Variants in OR2L13 observed in about 807,000 individuals in gnomAD.
The protein encoded by OR2L13 is olfactory receptor 2L13.
A neutral mutation model predicts 15.3 loss-of-function variants in OR2L13; 14 were observed. That is an observed-to-expected ratio of 0.91 (90% CI 0.60 to 1.43). OR2L13 has a LOEUF of 1.43. Ranked by LOEUF, OR2L13 falls within the 40% of genes most tolerant of loss-of-function variation. OR2L13 has a pLI of 0.00. For synonymous variants in OR2L13, 152 were observed against 142.9 expected (o/e 1.06, Z -0.45); for missense variants, 367 against 387.9 (o/e 0.95, Z 0.45).
At chr1:247,980,846 C>G in the OR2L13 span, 1 of 152,066 alleles carries the variant, frequency 6.6e-6, no homozygotes, top group Non-Finnish European at 1.5e-5. Flanking sequence ...AGAGATCTTG[C>G]TCAGAAAAAT....
the OR2L13 span, chr1:248,004,016 G>A: frequency 1.2e-6 from 2 of 1,613,762 alleles, no homozygotes; most frequent in Non-Finnish European, 1.7e-6. Context: ...GAACAAGGAG[G>A]TGATGGGGGC....
chr1:248,055,632 C>T, the OR2L13 span, among the ~76,000 whole-genome samples: 1 of 152,180 alleles, frequency 6.6e-6, no homozygotes, highest in Admixed American at 6.5e-5. Context: ...TGTTGTGTGC[C>T]TGTTGTTCCA....
the OR2L13 span, among the ~76,000 whole-genome samples, chr1:248,013,926 C>T: frequency 1.3e-5 from 2 of 151,840 alleles, no homozygotes; most frequent in East Asian, 3.9e-4. Flanking sequence ...GTGTTTTTGC[C>T]GCTAATTCAT....
chr1:247,992,987 C>T, the OR2L13 span, among the ~76,000 whole-genome samples: 1 of 152,112 alleles, frequency 6.6e-6, no homozygotes, highest in African/African-American at 2.4e-5. Flanking sequence ...ACATTCCCAC[C>T]AACAGTGTAT....
the OR2L13 span, chr1:248,060,933 T>G: frequency 6.2e-7 from 1 of 1,614,002 alleles, no homozygotes; most frequent in Non-Finnish European, 8.5e-7. Flanking sequence ...CATCTGATTT[T>G]CTGTCTGGTA....
chr1:247,970,558 C>T, the OR2L13 span, among the ~76,000 whole-genome samples: 2 of 152,052 alleles, frequency 1.3e-5, no homozygotes, highest in African/African-American at 4.8e-5. Flanking sequence ...TTCAATAGTA[C>T]CAAGGGACAA....
the OR2L13 span, among the ~76,000 whole-genome samples, chr1:248,067,699 T>G: frequency 6.6e-6 from 1 of 152,222 alleles, no homozygotes; most frequent in Non-Finnish European, 1.5e-5. Context: ...AGGCATTGCC[T>G]CACTCAGGAA....
At chr1:247,966,329 C>T in the OR2L13 span, 42 of 1,610,970 alleles carry the variant, frequency 2.6e-5, no homozygotes, top group African/African-American at 5.5e-4. Context: ...GACTTCAGAT[C>T]TCTGTATTGA....
chr1:247,980,048 A>G, the OR2L13 span, among the ~76,000 whole-genome samples: 2 of 152,180 alleles, frequency 1.3e-5, no homozygotes, highest in Non-Finnish European at 2.9e-5. Flanking sequence ...AAAATTCCAA[A>G]TATATAAAAT....
the OR2L13 span, among the ~76,000 whole-genome samples, chr1:248,052,783 A>G: frequency 3.0e-4 from 45 of 152,046 alleles, no homozygotes; most frequent in African/African-American, 1.0e-3. Context: ...TTCTTTTTCC[A>G]AAAAAGTCAA....
chr1:248,068,682 C>A, the OR2L13 span, among the ~76,000 whole-genome samples: 61 of 152,160 alleles, frequency 4.0e-4, 1 homozygote, highest in African/African-American at 1.5e-3. Context: ...CTCCGAGCTA[C>A]AGGAGGAAAT....
At chr1:248,043,242 G>A in the OR2L13 span, among the ~76,000 whole-genome samples, 1 of 152,168 alleles carries the variant, frequency 6.6e-6, no homozygotes, top group Non-Finnish European at 1.5e-5. Context: ...ATAGCTGAAA[G>A]TCAGGTAGAG....
At chr1:247,965,162 G>T in the OR2L13 span, 3 of 508,428 alleles carry the variant, frequency 5.9e-6, no homozygotes, top group South Asian at 6.9e-5. Flanking sequence ...CTTCCAAAAA[G>T]TTATAAAAAT....
At chr1:247,981,387 A>T in the OR2L13 span, among the ~76,000 whole-genome samples, 1 of 152,222 alleles carries the variant, frequency 6.6e-6, no homozygotes, top group Non-Finnish European at 1.5e-5. Context: ...TTTAAAATAA[A>T]GGACCCTCTT....
chr1:248,075,754 C>T, the OR2L13 span, among the ~76,000 whole-genome samples: 1 of 152,082 alleles, frequency 6.6e-6, no homozygotes, highest in Non-Finnish European at 1.5e-5. Context: ...TGGATATTAG[C>T]CCTTTGTCAG....
the OR2L13 span, among the ~76,000 whole-genome samples, chr1:247,989,522 GT>G: frequency 6.6e-6 from 1 of 151,976 alleles, no homozygotes; most frequent in African/African-American, 2.4e-5. Flanking sequence ...TAAGAGAAAT[GT>G]TTTTTCCTAT....
At chr1:247,937,346 T>C in the OR2L13 span, 1 of 154,800 alleles carries the variant, frequency 6.5e-6, no homozygotes, top group Admixed American at 6.5e-5. Context: ...CACTGGTGTC[T>C]CCTGCGGAAG....
At chr1:248,067,203 A>T in the OR2L13 span, among the ~76,000 whole-genome samples, 1 of 152,222 alleles carries the variant, frequency 6.6e-6, no homozygotes, top group African/African-American at 2.4e-5. Flanking sequence ...TTACCAGCAT[A>T]AAGTGTATTG....
the OR2L13 span, among the ~76,000 whole-genome samples, chr1:248,059,834 A>G: frequency 3.9e-5 from 6 of 152,304 alleles, no homozygotes. Context: ...GGTGAGGCCA[A>G]GAGTTCAAAA....
Sources: allele counts gnomAD v4.1 joint callset (sites outside exome capture counted in the v4.1 genomes callset), GRCh38; gene constraint gnomAD v4.1.1; transcripts MANE v1.5; gene names NCBI Gene and HGNC (gene_info 2026-07-23, HGNC 2026-07-21).